Variants in POLI observed in about 807,000 individuals in gnomAD.
POLI encodes the protein RAD30 homolog B.
In POLI, 58 loss-of-function variants were observed where a neutral mutation model predicts 51.6. That is an observed-to-expected ratio of 1.12 (90% CI 0.91 to 1.40). The LOEUF (loss-of-function observed/expected upper bound fraction) is 1.40. Among genes scored for constraint, POLI ranks in the 40% most tolerant of loss-of-function variants. The pLI is 0.00. For missense variants in POLI, 921 were observed against 871.3 expected, an observed-to-expected ratio of 1.06 and a Z score of -0.72; for synonymous variants, 322 against 299.7, an observed-to-expected ratio of 1.07 and a Z score of -0.77.
rs1599254986 is a variant in POLI, at chr18:54,295,627, T to C, written c.*1160T>C. ...TTCTTCTAGGTCTGAAATTTTCTTT[T>C]CTTTCTTTTTTTGTTTTGGAGACAG... On this transcript the variant is annotated 3_prime_UTR_variant, in exon 10 of 10. Transcript: ENST00000579534. 2.9e-6 allele frequency: 2 copies of C among 686,848 alleles called. No individual in the cohort carries two copies. The highest frequency in any genetic ancestry group is 1.3e-4 in the South Asian group (2 of 15,064). 42.5% of individuals were successfully genotyped at this position (686,848 alleles called of 1,614,324 possible). A position where few individuals can be genotyped will look rare whatever the true frequency, so the allele number is the denominator to read the frequency against.
chr18:54,313,756 T>C (rs1237471458), intron 3 of POLI, among the ~76,000 whole-genome samples: 1 of 152,100 alleles, frequency 6.6e-6, no homozygotes, highest in African/African-American at 2.4e-5. Flanking sequence ...CTGTCAGTTT[T>C]GATGTTGTTG....
intron 3 of POLI, among the ~76,000 whole-genome samples, chr18:54,312,455 T>C (rs1420141895): frequency 6.6e-6 from 1 of 152,166 alleles, no homozygotes; most frequent in Non-Finnish European, 1.5e-5. Context: ...GCTGGAATCA[T>C]TTATTTTCCT....
chr18:54,277,721 G>T lies in POLI; in HGVS notation c.425G>T (p.Ser142Ile), dbSNP rs754783676. ...AATTTAGAATTACTGGAAGAATTTAGTCCAGTTGTTGAGAGACTTGGATTT... is the reference window on the plus strand; with the variant it reads ...AATTTAGAATTACTGGAAGAATTTATTCCAGTTGTTGAGAGACTTGGATTT... ...YKVTELLEEFSPVVERLGFDE... is the reference protein window; with the variant it reads ...YKVTELLEEFIPVVERLGFDE... Residue 142 changes from serine to isoleucine, a missense_variant, in exon 4 of 10, where the codon AGT (serine) becomes ATT (isoleucine). Physicochemically the swap from Ser to Ile is moderately radical, Grantham distance 142. Transcript: ENST00000579534. 1.9e-6 allele frequency: 3 copies of T among 1,598,198 alleles called. No homozygotes were observed. The highest frequency in any genetic ancestry group is 2.2e-5 in the East Asian group (1 of 44,760).
At chr18:54,308,037 A>G (rs1472498484) in intron 3 of POLI, among the ~76,000 whole-genome samples, 2 of 151,848 alleles carry the variant, frequency 1.3e-5, no homozygotes, top group African/African-American at 2.4e-5. Context: ...TCTTTATCCA[A>G]TTTGCCAGTC....
intron 9 of POLI, 83 bp from the exon 10 acceptor site, chr18:54,293,566 T>G: frequency 1.0e-6 from 1 of 955,734 alleles, no homozygotes; most frequent in East Asian, 2.6e-5. Flanking sequence ...ACATGTCAGA[T>G]AATAGCTACA....
At chr18:54,313,831 C>T (rs1294016706) in intron 3 of POLI, among the ~76,000 whole-genome samples, 1 of 151,910 alleles carries the variant, frequency 6.6e-6, no homozygotes, top group African/African-American at 2.4e-5. Flanking sequence ...CTGAAGTTAT[C>T]AGATATAGGA....
At chr18:54,309,604 G>A (rs1386091329) in intron 3 of POLI, among the ~76,000 whole-genome samples, 2 of 152,180 alleles carry the variant, frequency 1.3e-5, no homozygotes, top group South Asian at 2.1e-4. Flanking sequence ...GATGTCCCAT[G>A]TCTTCAGAGC....
At chr18:54,292,731 T>G (rs3730818) in intron 9 of POLI, among the ~76,000 whole-genome samples, 27,625 of 152,134 alleles carry the variant, frequency 0.18, 2,698 homozygotes, top group Middle Eastern at 0.25. Flanking sequence ...CTTTTCATTT[T>G]CATTTAAGTT....
At chr18:54,291,810 T>G (rs1025451958) in intron 8 of POLI, 23 bp from the exon 9 acceptor site, 5 of 1,145,218 alleles carry the variant, frequency 4.4e-6, no homozygotes, top group Non-Finnish European at 3.9e-6. Context: ...ATTATAATGT[T>G]TATTCTTAAA....
At chr18:54,277,569 A>G (rs2087299804) in intron 3 of POLI, 134 bp from the exon 4 acceptor site, 2 of 555,872 alleles carry the variant, frequency 3.6e-6, no homozygotes, top group Non-Finnish European at 6.2e-6. Context: ...GGGCTTTATT[A>G]AAGATATTAT....
Position 54,297,490 on chromosome 18 carries a change from T to G in POLI, c.*3023T>G. ...ATCTAGTGTTTTGTACTAGGAGAAC[T>G]CTAAAAAGTATCTATTCCACTGTAG... On this transcript the variant is annotated 3_prime_UTR_variant, in exon 10 of 10. Coordinates refer to ENST00000579534, the MANE Select transcript of POLI (RefSeq NM_007195.3). The G allele has an allele frequency of 1.0e-6, 1 of 981,538 alleles. No homozygotes were observed. The highest frequency in any genetic ancestry group is 4.7e-5 in the South Asian group (1 of 21,202). The allele number at this position is 981,538 out of a possible 1,614,324, so 60.8% of individuals were successfully genotyped here. A position where few individuals can be genotyped will look rare whatever the true frequency, so the allele number is the denominator to read the frequency against.
chr18:54,306,999 A>G (rs771277767), intron 3 of POLI, among the ~76,000 whole-genome samples: 1 of 151,976 alleles, frequency 6.6e-6, no homozygotes, highest in Non-Finnish European at 1.5e-5. Context: ...CAGTCTAGCT[A>G]GCAAGAAAAG....
chr18:54,282,752 A>T (rs2956141), intron 5 of POLI, 85 bp from the exon 6 acceptor site: 192,574 of 731,948 alleles, frequency 0.26, 26,912 homozygotes, highest in Non-Finnish European at 0.29. Context: ...CTTAAAGATA[A>T]GATTGATATA....
chr18:54,315,882 G>A (rs1390243156), intron 3 of POLI, among the ~76,000 whole-genome samples: 1 of 151,744 alleles, frequency 6.6e-6, no homozygotes, highest in South Asian at 2.1e-4. Flanking sequence ...ACAGCAGACA[G>A]TTGGGTCTTG....
At chr18:54,298,934 A>G (rs886701137), downstream of POLI, among the ~76,000 whole-genome samples, 4 of 152,126 alleles carry the variant, frequency 2.6e-5, no homozygotes, top group African/African-American at 9.7e-5. Flanking sequence ...TATGGCCCCA[A>G]AGTGATCTAC....
intron 8 of POLI, among the ~76,000 whole-genome samples, chr18:54,289,857 A>C (rs138617147): frequency 0.25 from 38,449 of 151,894 alleles, 5,075 homozygotes; most frequent in Middle Eastern, 0.3. Context: ...AAATGTTAGA[A>C]CTGAAATCAT....
At chr18:54,271,220 C>T (rs1434927375) in intron 1 of POLI, 140 bp from the exon 2 acceptor site, 6 of 610,412 alleles carry the variant, frequency 9.8e-6, no homozygotes, top group Non-Finnish European at 1.6e-5. Context: ...TGTAATTTTT[C>T]GATGCTTTCA....
intron 8 of POLI, among the ~76,000 whole-genome samples, chr18:54,289,034 G>A (rs2087873151): frequency 6.6e-6 from 1 of 152,034 alleles, no homozygotes; most frequent in East Asian, 1.9e-4. Flanking sequence ...ATTGAAAACT[G>A]AACCTCATAG....
intron 3 of POLI, among the ~76,000 whole-genome samples, chr18:54,303,777 T>G (rs1268551397): frequency 1.9e-4 from 29 of 151,914 alleles, no homozygotes; most frequent in Admixed American, 1.9e-3. Flanking sequence ...TTTTTTTTAA[T>G]TATACTTTAA....
Sources: gnomAD v4.1 joint callset for allele counts (sites outside exome capture counted in the v4.1 genomes callset) on GRCh38, gnomAD v4.1.1 for gene constraint, MANE v1.5 for transcripts, NCBI Gene and HGNC (gene_info 2026-07-23, HGNC 2026-07-21) for gene names.